IL33: variants seen among roughly 807,000 people sequenced by gnomAD.
The protein encoded by IL33 is interleukin 33.
In IL33, 37 loss-of-function variants were observed where a neutral mutation model predicts 27.3. That is an observed-to-expected ratio of 1.36 (90% CI 1.04 to 1.78). The LOEUF is 1.78. IL33 is among the 40% of genes most tolerant of loss of function. The pLI is 0.00. For missense variants in IL33, 406 were observed against 311.4 expected (o/e 1.30, Z -2.29); for synonymous variants, 132 against 102.9 (o/e 1.28, Z -1.71).
At chr9:6,253,684 C>T (rs1169741049) in intron 6 of IL33, 82 bp downstream of exon 6, 10 of 1,102,492 alleles carry the variant, frequency 9.1e-6, no homozygotes, top group Non-Finnish European at 1.1e-5. Context: ...CCTTTTTGCC[C>T]CATAGGAAAA....
chr9:6,245,091 C>T (rs1819754331), intron 2 of IL33, among the ~76,000 whole-genome samples: 1 of 152,172 alleles, frequency 6.6e-6, no homozygotes, highest in South Asian at 2.1e-4. Flanking sequence ...TACTTTCTTT[C>T]CCCCACATCC....
chr9:6,243,751 T>A (rs2130344707), intron 2 of IL33, among the ~76,000 whole-genome samples: 1 of 152,332 alleles, frequency 6.6e-6, no homozygotes, highest in East Asian at 1.9e-4. Context: ...AAATGGAGGA[T>A]AAGGAATGAT....
At chr9:6,254,625 T>C (rs1012846021) in intron 7 of IL33, 72 bp downstream of exon 7, 3 of 872,518 alleles carry the variant, frequency 3.4e-6, no homozygotes, top group African/African-American at 3.4e-5. Context: ...CACCAACTTG[T>C]GTAGATTTGG....
At position 6,256,495 on chromosome 9, in the gene IL33, G is replaced by C. The variant is rs546425285; in HGVS notation, c.*327G>C. The stretch of plus-strand genomic sequence containing the variant: ...GAAAGAACTTCATATTTAGAGCTAA[G>C]GCCACTGAGGAAAGAGCCATAGCTT... On this transcript the variant is annotated 3_prime_UTR_variant, in exon 8 of 8. Coordinates refer to ENST00000682010, the MANE Select transcript of IL33 (RefSeq NM_033439.4). 1.2e-5 allele frequency: 5 copies of C among 406,472 alleles called. No individual in the cohort carries two copies. Among genetic ancestry groups the C allele is most frequent in the Non-Finnish European group, 2.2e-5 (5 of 229,816 alleles). The allele number at this position is 406,472 out of a possible 1,614,324, so 25.2% of individuals were successfully genotyped here.
At chr9:6,249,037 C>T (rs78787306) in intron 2 of IL33, among the ~76,000 whole-genome samples, 268 of 152,294 alleles carry the variant, frequency 1.8e-3, no homozygotes, top group Non-Finnish European at 2.9e-3. Flanking sequence ...TATGAATTAT[C>T]TTTGTAAGTG....
chr9:6,226,885 A>T (rs899971511), intron 1 of IL33, among the ~76,000 whole-genome samples: 1 of 152,190 alleles, frequency 6.6e-6, no homozygotes, highest in Admixed American at 6.5e-5. Flanking sequence ...TGTCCTGAAG[A>T]CTTTTCTGTG....
chr9:6,236,510 C>A (rs1819218793), intron 1 of IL33, among the ~76,000 whole-genome samples: 1 of 152,130 alleles, frequency 6.6e-6, no homozygotes, highest in Admixed American at 6.5e-5. Context: ...ATAAACACTG[C>A]CTAGAGCCTA....
In IL33 at chr9:6,257,606, A is replaced by T. The variant is rs553100713; in HGVS notation, c.*1438A>T. On this transcript the variant is annotated 3_prime_UTR_variant, in exon 8 of 8. Coordinates refer to ENST00000682010, the MANE Select transcript of IL33 (RefSeq NM_033439.4). ...CAATTTCTATTACAACTTTTCTTAG[A>T]CTTAACACTTATGATAAATGACTAA... 1.3e-5 allele frequency: 2 copies of T among 152,730 alleles called. No homozygotes were observed. The highest frequency in any genetic ancestry group is 4.8e-5 in the African/African-American group (2 of 41,584). The allele number at this position is 152,730 out of a possible 1,614,324, so 9.5% of individuals were successfully genotyped here.
intron 1 of IL33, among the ~76,000 whole-genome samples, chr9:6,221,943 G>C (rs964465228): frequency 9.9e-5 from 15 of 152,172 alleles, no homozygotes; most frequent in South Asian, 8.3e-4. Flanking sequence ...TACCAGGTAA[G>C]TAAGGCTGAG....
intron 1 of IL33, among the ~76,000 whole-genome samples, chr9:6,220,352 C>T (rs1486012505): frequency 6.6e-6 from 1 of 152,100 alleles, no homozygotes; most frequent in Non-Finnish European, 1.5e-5. Context: ...TCATTATTTC[C>T]GACATAGTTC....
At chr9:6,239,375 C>T (rs186851373) in intron 1 of IL33, among the ~76,000 whole-genome samples, 3 of 152,122 alleles carry the variant, frequency 2.0e-5, no homozygotes, top group Non-Finnish European at 4.4e-5. Flanking sequence ...ATCCCCAACA[C>T]GTGCACAGTA....
chr9:6,217,327 G>A (rs1818190479), intron 1 of IL33, among the ~76,000 whole-genome samples: 1 of 152,036 alleles, frequency 6.6e-6, no homozygotes, highest in African/African-American at 2.4e-5. Context: ...CAGAATTCAG[G>A]ACCCTCTCAA....
At chr9:6,249,652 T>C (rs1373653428) in intron 2 of IL33, among the ~76,000 whole-genome samples, 1 of 152,224 alleles carries the variant, frequency 6.6e-6, no homozygotes, top group Non-Finnish European at 1.5e-5. Context: ...TTTTCTTAGA[T>C]GGCGGTAAGT....
At chr9:6,254,738 G>C (rs150599805) in intron 7 of IL33, among the ~76,000 whole-genome samples, 185 bp downstream of exon 7, 2,472 of 152,228 alleles carry the variant, frequency 0.016, 38 homozygotes, top group Non-Finnish European at 0.021. Context: ...AGGGAGGAAA[G>C]TGGCATGTAT....
intron 1 of IL33, among the ~76,000 whole-genome samples, chr9:6,228,566 T>G (rs542435375): frequency 6.8e-6 from 1 of 147,652 alleles, no homozygotes; most frequent in East Asian, 2.1e-4. Context: ...TCTGAATCCA[T>G]TAAACAACAG....
chr9:6,221,183 CA>C (rs1818398018), intron 1 of IL33, among the ~76,000 whole-genome samples: 1 of 151,944 alleles, frequency 6.6e-6, no homozygotes, highest in Non-Finnish European at 1.5e-5. Context: ...TTTTTTCCCC[CA>C]TAAGAAAAAA....
chr9:6,252,805 A>AT, intron 4 of IL33, 61 bp from the exon 5 acceptor site: 6 of 1,585,288 alleles, frequency 3.8e-6, no homozygotes. Context: ...TTGAGGGAGC[A>AT]TTTTTTAAAA....
At chr9:6,219,342 T>C (rs1818314310) in intron 1 of IL33, among the ~76,000 whole-genome samples, 1 of 151,850 alleles carries the variant, frequency 6.6e-6, no homozygotes, top group Non-Finnish European at 1.5e-5. Flanking sequence ...CCTCAAAAAG[T>C]TCAGGCAAAG....
At chr9:6,254,624 G>A in intron 7 of IL33, 71 bp downstream of exon 7, 1 of 871,472 alleles carries the variant, frequency 1.1e-6, no homozygotes, top group Non-Finnish European at 1.6e-6. Context: ...CCACCAACTT[G>A]TGTAGATTTG....
Sources: allele counts gnomAD v4.1 joint callset (sites outside exome capture counted in the v4.1 genomes callset), GRCh38; gene constraint gnomAD v4.1.1; transcripts MANE v1.5; gene names NCBI Gene and HGNC (gene_info 2026-07-23, HGNC 2026-07-21).